Variants in IMMP2L observed in about 807,000 individuals in gnomAD.
IMMP2L encodes the protein inner mitochondrial membrane peptidase subunit 2.
IMMP2L carries 18 observed loss-of-function variants against 19.3 expected under a neutral mutation model. That is an observed-to-expected ratio of 0.93 (90% CI 0.64 to 1.38). IMMP2L has a LOEUF of 1.38. Among genes scored for constraint, IMMP2L ranks in the 40% most tolerant of loss-of-function variants. The pLI, the probability that IMMP2L is intolerant of heterozygous loss-of-function variation, is 0.00. For synonymous variants in IMMP2L, 76 were observed against 73.0 expected (o/e 1.04, Z -0.21); for missense variants, 233 against 218.2 (o/e 1.07, Z -0.43).
intron 3 of IMMP2L, among the ~76,000 whole-genome samples, chr7:111,469,317 T>C (rs1310071524): frequency 6.6e-6 from 1 of 152,134 alleles, no homozygotes; most frequent in Non-Finnish European, 1.5e-5. Flanking sequence ...TTGATGGGGA[T>C]GGCACTGAAT....
intron 4 of IMMP2L, among the ~76,000 whole-genome samples, chr7:110,911,163 T>A: frequency 6.6e-6 from 1 of 152,056 alleles, no homozygotes; most frequent in East Asian, 1.9e-4. Context: ...TTAGAATACG[T>A]ACACAGTTAA....
chr7:111,440,052 C>A (rs1370609645), intron 3 of IMMP2L, among the ~76,000 whole-genome samples: 1 of 151,926 alleles, frequency 6.6e-6, no homozygotes, highest in African/African-American at 2.4e-5. Flanking sequence ...AATCTTCTGA[C>A]TCCACTTCTA....
In IMMP2L at chr7:110,924,439, T is replaced by A. The variant is rs1585286593; in HGVS notation, c.306-37744A>T. On this transcript the variant is annotated intron_variant, in intron 4 of 5. Transcript: ENST00000405709. The surrounding 1 kb of genome is among the most constrained non-coding windows in gnomAD (Gnocchi z 4.2). ...TACCAGACTCATTAAAGGGGCCCCA[T>A]CCTTCTGGCCAGTCACAAGGTCCTC... 2.6e-5 allele frequency among the ~76,000 whole-genome samples: 4 copies of A among 152,204 alleles called. No homozygotes were observed. In the South Asian group the frequency reaches 8.3e-4, roughly 32 times the overall value.
intron 5 of IMMP2L, among the ~76,000 whole-genome samples, chr7:110,726,436 TGTAGCCCCAA>T (rs1795889807): frequency 6.6e-6 from 1 of 152,226 alleles, no homozygotes; most frequent in Non-Finnish European, 1.5e-5. Flanking sequence ...AAGTTTTGGC[TGTAGCCCCAA>T]GACAATAATT....
chr7:111,398,790 G>A (rs1478076870), intron 3 of IMMP2L, among the ~76,000 whole-genome samples: 1 of 150,772 alleles, frequency 6.6e-6, no homozygotes, highest in Non-Finnish European at 1.5e-5. Flanking sequence ...CCAGATATAA[G>A]ATTAATGTAC....
rs149395342 is a variant in IMMP2L, at chr7:111,482,173, A to C, written c.239+5065T>G. On this transcript the variant is annotated intron_variant, in intron 3 of 5. Transcript: ENST00000405709. ...TGTTCAGTAACTATAGGTGCTTGCT[A>C]TATTAGACAGTACAGGCTTAGAGTC... 1.8e-3 allele frequency among the ~76,000 whole-genome samples: 274 copies of C among 152,340 alleles called. 3 individuals carry two copies. The highest frequency in any genetic ancestry group is 6.3e-3 in the African/African-American group (260 of 41,586).
intron 4 of IMMP2L, among the ~76,000 whole-genome samples, chr7:110,927,808 C>A (rs946851428): frequency 1.6e-4 from 24 of 152,196 alleles, no homozygotes; most frequent in African/African-American, 5.3e-4. Context: ...ATTGTTGCAG[C>A]AGCAATAGAA....
At chr7:110,684,951 T>C (rs1425522649) in intron 5 of IMMP2L, among the ~76,000 whole-genome samples, 1 of 152,126 alleles carries the variant, frequency 6.6e-6, no homozygotes, top group Non-Finnish European at 1.5e-5. Flanking sequence ...CAAATTTTCC[T>C]TTTCCTTCAA....
chr7:110,946,503 G>A (rs1213619795), intron 4 of IMMP2L, among the ~76,000 whole-genome samples: 1 of 151,926 alleles, frequency 6.6e-6, no homozygotes, highest in African/African-American at 2.4e-5. Flanking sequence ...ATGTATCAAA[G>A]TTATGCCAGA....
At chr7:111,075,647 T>C (rs967728937) in intron 3 of IMMP2L, among the ~76,000 whole-genome samples, 1 of 152,162 alleles carries the variant, frequency 6.6e-6, no homozygotes, top group Non-Finnish European at 1.5e-5. Flanking sequence ...CACTGTCCTC[T>C]GCTGGCTCTT....
intron 3 of IMMP2L, among the ~76,000 whole-genome samples, chr7:111,360,262 C>T (rs1395209698): frequency 6.6e-6 from 1 of 152,070 alleles, no homozygotes; most frequent in East Asian, 1.9e-4. Flanking sequence ...TACATGCATA[C>T]TAATTATTAA....
At chr7:111,528,601 T>C (rs942558048) in intron 1 of IMMP2L, among the ~76,000 whole-genome samples, 1 of 152,184 alleles carries the variant, frequency 6.6e-6, no homozygotes, top group African/African-American at 2.4e-5. Flanking sequence ...CTCCTTCCCG[T>C]AACAACTTGT....
chr7:110,991,494 G>A (rs1216244176), intron 3 of IMMP2L, among the ~76,000 whole-genome samples: 1 of 152,042 alleles, frequency 6.6e-6, no homozygotes, highest in East Asian at 1.9e-4. Flanking sequence ...GTGTGTCTTT[G>A]TCACTCCATG....
chr7:111,363,090 T>C (rs865898736), intron 3 of IMMP2L, among the ~76,000 whole-genome samples: 1 of 152,070 alleles, frequency 6.6e-6, no homozygotes. Flanking sequence ...TCTCTGTCTC[T>C]TTTTTTCATA....
intron 3 of IMMP2L, among the ~76,000 whole-genome samples, chr7:111,069,428 G>GT (rs1485698477): frequency 2.0e-5 from 3 of 152,304 alleles, no homozygotes; most frequent in Non-Finnish European, 2.9e-5. Context: ...CTGAAACTGA[G>GT]TGAGTTTTTA....
At chr7:111,174,505 A>T (rs2129609732) in intron 3 of IMMP2L, among the ~76,000 whole-genome samples, 1 of 151,858 alleles carries the variant, frequency 6.6e-6, no homozygotes, top group South Asian at 2.1e-4. Flanking sequence ...AAAAAATATT[A>T]CCGAATTTCA....
At chr7:110,822,018 A>G (rs1480731413) in intron 5 of IMMP2L, among the ~76,000 whole-genome samples, 1 of 152,134 alleles carries the variant, frequency 6.6e-6, no homozygotes, top group Non-Finnish European at 1.5e-5. Context: ...AGTCAACTGA[A>G]TGTTTAGCAC....
intron 3 of IMMP2L, among the ~76,000 whole-genome samples, chr7:111,252,806 G>GA (rs537244899): frequency 6.6e-6 from 1 of 151,994 alleles, no homozygotes; most frequent in South Asian, 2.1e-4. Flanking sequence ...CCAAACATTA[G>GA]AAAATGACAT....
In IMMP2L at chr7:110,765,786, ATACT is replaced by A. The variant is rs984378224; in HGVS notation, c.409-102069_409-102066del. ...AATAACCTCAAACACTTAGCTTTTA[ATACT>A]TTATTTACTATAATAGCCATCTATT... is the stretch of plus-strand genomic sequence containing the variant. On this transcript the variant is annotated intron_variant, in intron 5 of 5. Coordinates refer to ENST00000405709, the MANE Select transcript of IMMP2L (RefSeq NM_032549.4). Among the ~76,000 whole-genome samples the A allele has an allele frequency of 5.3e-5, 8 of 152,194 alleles. 1 individual carries two copies. Among genetic ancestry groups the A allele is most frequent in the Admixed American group, 2.0e-4 (3 of 15,264 alleles).
Sources: allele counts gnomAD v4.1 joint callset (sites outside exome capture counted in the v4.1 genomes callset), GRCh38; gene constraint gnomAD v4.1.1; non-coding constraint Gnocchi (gnomAD v3.1); transcripts MANE v1.5; gene names NCBI Gene and HGNC (gene_info 2026-07-23, HGNC 2026-07-21).